The following BAX variants were observed in gnomAD, a reference collection of about 807,000 sequenced individuals.
BAX encodes apoptosis regulator BAX.
Under a neutral mutation model 26.8 loss-of-function variants are expected in BAX, and 21 were observed. That is an observed-to-expected ratio of 0.78 (90% CI 0.56 to 1.13). BAX has a LOEUF of 1.13. BAX is among the 50% of genes most tolerant of loss of function. The pLI, the probability that BAX is intolerant of heterozygous loss-of-function variation, is 0.00. For synonymous variants in BAX, 110 were observed against 101.8 expected (o/e 1.08, Z -0.49); for missense variants, 236 against 254.6 (o/e 0.93, Z 0.50).
At chr19:48,957,244 G>C (rs991158826) in intron 4 of BAX, among the ~76,000 whole-genome samples, 16 of 142,286 alleles carry the variant, frequency 1.1e-4, no homozygotes, top group Non-Finnish European at 2.1e-4. Context: ...TTTTCGGGCT[G>C]CTGGAAAGAC....
chr19:48,957,347 T>C (rs2038182436), intron 4 of BAX, among the ~76,000 whole-genome samples: 1 of 129,198 alleles, frequency 7.7e-6, no homozygotes, highest in African/African-American at 2.8e-5. Flanking sequence ...CCATCTCGGC[T>C]CACTGCAACC....
chr19:48,957,689 C>G (rs79221776), intron 4 of BAX, among the ~76,000 whole-genome samples: 4,146 of 152,212 alleles, frequency 0.027, 115 homozygotes, highest in East Asian at 0.1. Flanking sequence ...AGTATAGATG[C>G]CCCTTGACTT....
At chr19:48,958,695 C>T (rs1187366228) in intron 4 of BAX, among the ~76,000 whole-genome samples, 1 of 152,006 alleles carries the variant, frequency 6.6e-6, no homozygotes, top group Non-Finnish European at 1.5e-5. Flanking sequence ...CAGGCGTCCG[C>T]CACCACACCC....
intron 4 of BAX, among the ~76,000 whole-genome samples, chr19:48,957,751 T>G (rs1279150873): frequency 6.6e-6 from 1 of 152,168 alleles, no homozygotes; most frequent in African/African-American, 2.4e-5. Flanking sequence ...ATAACATAAG[T>G]TGAAAATGCA....
At chr19:48,959,450 C>T (rs535183450) in intron 4 of BAX, among the ~76,000 whole-genome samples, 2 of 143,614 alleles carry the variant, frequency 1.4e-5, no homozygotes, top group African/African-American at 2.6e-5. Context: ...CCTGTTTAGG[C>T]GGAAACAGGA....
intron 5 of BAX, 124 bp from the exon 6 acceptor site, chr19:48,961,408 C>T (rs923364302): frequency 3.7e-5 from 43 of 1,167,770 alleles, no homozygotes; most frequent in South Asian, 5.9e-5. Flanking sequence ...CTTTAATGCC[C>T]GTTCATCTCA....
chr19:48,955,080 G>A (rs1346215721), intron 1 of BAX, 118 bp downstream of exon 1: 2 of 1,177,476 alleles, frequency 1.7e-6, no homozygotes, highest in African/African-American at 3.2e-5. Context: ...GAAACTCCCG[G>A]ATCGGGCGCT....
At chr19:48,958,386 G>A (rs1336139937) in intron 4 of BAX, among the ~76,000 whole-genome samples, 14 of 118,302 alleles carry the variant, frequency 1.2e-4, no homozygotes, top group Non-Finnish European at 2.3e-4. Flanking sequence ...ACAGGGTCTC[G>A]CTCTGTTACC....
chr19:48,955,947 C>T, intron 3 of BAX, 114 bp downstream of exon 3: 1 of 1,345,252 alleles, frequency 7.4e-7, no homozygotes, highest in African/African-American at 1.5e-5. Context: ...CCCCACAACT[C>T]AGCGCAAACA....
chr19:48,960,987 C>T, intron 5 of BAX, 73 bp downstream of exon 5: 3 of 1,613,028 alleles, frequency 1.9e-6, no homozygotes, highest in South Asian at 1.1e-5. Context: ...GTCCCTGCCC[C>T]CCGCCACTCC....
chr19:48,954,912 C>CGGCGGGAGCGGCGGTGATG lies in BAX; in HGVS notation c.-15_4dup. 8.1e-7 allele frequency: 1 copy of CGGCGGGAGCGGCGGTGATG among 1,230,334 alleles called. No individual in the cohort carries two copies. Among genetic ancestry groups the CGGCGGGAGCGGCGGTGATG allele is most frequent in the Non-Finnish European group, 1.0e-6 (1 of 986,160 alleles). 76.2% of individuals were successfully genotyped at this position (1,230,334 alleles called of 1,614,324 possible). On this transcript the variant is annotated 5_prime_UTR_variant, in exon 1 of 6. It adds an upstream start codon to the 5' untranslated region. Coordinates refer to ENST00000345358, the MANE Select transcript of BAX (RefSeq NM_138761.4). ...CCCGCGCGGACCCGGCGAGAGGCGG[C>CGGCGGGAGCGGCGGTGATG]GGCGGGAGCGGCGGTGATGGACGGG...
At chr19:48,955,446 G>C in intron 1 of BAX, 102 bp from the exon 2 acceptor site, 1 of 1,350,264 alleles carries the variant, frequency 7.4e-7, no homozygotes, top group Non-Finnish European at 1.0e-6. Flanking sequence ...GAAGTCCAGG[G>C]TCCCCAGCTC....
rs749142585 is a variant in BAX at position 48,956,245 on chromosome 19, G to A, written c.281G>A (p.Arg94Gln). 14 of 1,590,202 alleles carry A rather than the reference G, an allele frequency of 8.8e-6. No individual in the cohort carries two copies. The highest frequency in any genetic ancestry group is 7.9e-5 in the South Asian group (7 of 88,204). ...GACTCCCCCCGAGAGGTCTTTTTCC[G>A]AGTGGCAGCTGACATGTTTTCTGAC... ...DTDSPREVFFRVAADMFSDGN... is the reference protein window; with the variant it reads ...DTDSPREVFFQVAADMFSDGN... The change falls in exon 4 of 6, where the codon CGA becomes CAA. Residue 94 changes from arginine to glutamine, a missense_variant. Transcript: ENST00000345358.
chr19:48,961,790 C>G lies in BAX; in HGVS notation c.*154C>G, dbSNP rs536406169. 7.3e-6 allele frequency: 5 copies of G among 684,448 alleles called. No homozygotes were observed. In the South Asian group the frequency reaches 9.1e-5, roughly 13 times the overall value. The allele number at this position is 684,448 out of a possible 1,614,324, so 42.4% of individuals were successfully genotyped here. A position where few individuals can be genotyped will look rare whatever the true frequency, so the allele number is the denominator to read the frequency against. On this transcript the variant is annotated 3_prime_UTR_variant, in exon 6 of 6. Transcript: ENST00000345358. ...TCTTGAGGGGGTAATAAACCTCCTTCGGGACACACTTCGGCATCTGAGTCA... is the reference window on the plus strand; with the variant it reads ...TCTTGAGGGGGTAATAAACCTCCTTGGGGACACACTTCGGCATCTGAGTCA...
intron 4 of BAX, 64 bp downstream of exon 4, chr19:48,956,397 T>A: frequency 6.9e-7 from 1 of 1,445,586 alleles, no homozygotes; most frequent in Non-Finnish European, 9.1e-7. Context: ...GACCTGGGGA[T>A]CGTGGTATCA....
rs2038131722 is a variant in BAX, at chr19:48,956,312, T to A, written c.348T>A (p.Phe116Leu). ...NWGRVVALFY[F>L]ASKLVLKALC... is the part of the protein sequence containing the mutation. ...GCCGGGTTGTCGCCCTTTTCTACTT[T>A]GCCAGCAAACTGGTGCTCAAGGTGG... Residue 116 changes from phenylalanine (F) to leucine (L), a missense_variant, in exon 4 of 6, where the codon TTT (phenylalanine) becomes TTA (leucine). Transcript: ENST00000345358. The A allele has an allele frequency of 6.3e-7, 1 of 1,578,448 alleles. No individual in the cohort carries two copies. Among genetic ancestry groups the A allele is most frequent in the Non-Finnish European group, 8.6e-7 (1 of 1,163,340 alleles).
intron 1 of BAX, chr19:48,955,265 G>C (rs565301904): frequency 4.8e-6 from 2 of 418,780 alleles, no homozygotes; most frequent in African/African-American, 4.1e-5. Context: ...GCACTGGTGG[G>C]AGGGGCGGGT....
intron 2 of BAX, 29 bp downstream of exon 2, chr19:48,955,628 C>A: frequency 6.2e-7 from 1 of 1,613,340 alleles, no homozygotes; most frequent in Non-Finnish European, 8.5e-7. Flanking sequence ...TATTGTGGCA[C>A]AGATTTGAGG....
chr19:48,955,931 T>A, intron 3 of BAX, 98 bp downstream of exon 3: 1 of 1,410,330 alleles, frequency 7.1e-7, no homozygotes, highest in African/African-American at 1.4e-5. Context: ...GAACTAGGAG[T>A]CTGGGCCCCA....
Sources: gnomAD v4.1 joint callset for allele counts (sites outside exome capture counted in the v4.1 genomes callset) on GRCh38, gnomAD v4.1.1 for gene constraint, MANE v1.5 for transcripts, NCBI Gene and HGNC (gene_info 2026-07-23, HGNC 2026-07-21) for gene names.